RFC4: variants seen among roughly 807,000 people sequenced by gnomAD.
The protein encoded by RFC4 is A1 37 kDa subunit.
In RFC4, 38 loss-of-function variants were observed where a neutral mutation model predicts 47.6. That is an observed-to-expected ratio of 0.80 (90% CI 0.62 to 1.05). The LOEUF (loss-of-function observed/expected upper bound fraction) is 1.05. Ranked by LOEUF, RFC4 falls within the 50% of genes least tolerant of loss-of-function variation. The probability of loss-of-function intolerance (pLI) is 0.00; values close to 1 mark genes in which losing one functional copy is unlikely to be tolerated. For synonymous variants in RFC4, 164 were observed against 150.0 expected, an observed-to-expected ratio of 1.09 and a Z score of -0.68; for missense variants, 489 against 434.0, an observed-to-expected ratio of 1.13 and a Z score of -1.13.
Position 186,789,934 on chromosome 3 carries a change from TTATTTACAAAACC to T in RFC4, c.*22_*34del. The T allele has an allele frequency of 7.7e-7, 1 of 1,299,934 alleles. No homozygotes were observed. Among genetic ancestry groups the T allele is most frequent in the Non-Finnish European group, 1.1e-6 (1 of 907,766 alleles). The allele number at this position is 1,299,934 out of a possible 1,614,324, so 80.5% of individuals were successfully genotyped here. A position where few individuals can be genotyped will look rare whatever the true frequency, so the allele number is the denominator to read the frequency against. ...TCATTTTATTTTTATTACAACTTCA[TTATTTACAAAACC>T]CCCCATCCAGATATATTCACGTTAA... On this transcript the variant is annotated 3_prime_UTR_variant, in exon 11 of 11. Coordinates refer to ENST00000296273, the MANE Select transcript of RFC4 (RefSeq NM_002916.5).
intron 2 of RFC4, among the ~76,000 whole-genome samples, chr3:186,801,663 A>G (rs1722356128): frequency 2.1e-5 from 3 of 145,880 alleles, no homozygotes; most frequent in South Asian, 2.2e-4. Flanking sequence ...GTGAGCTGAG[A>G]TCGCACCACT....
At chr3:186,791,295 G>A in intron 8 of RFC4, 1 of 205,918 alleles carries the variant, frequency 4.9e-6, no homozygotes, top group Non-Finnish European at 1.0e-5. Flanking sequence ...TACCAGCCTG[G>A]TCAACCAACA....
At chr3:186,790,997 A>T (rs1722112684) in intron 8 of RFC4, among the ~76,000 whole-genome samples, 3 of 152,318 alleles carry the variant, frequency 2.0e-5, no homozygotes, top group Admixed American at 2.0e-4. Flanking sequence ...AAAAGTTGTT[A>T]AGTAGTAGTG....
At chr3:186,800,951 G>C (rs1446497868) in intron 3 of RFC4, among the ~76,000 whole-genome samples, 166 bp downstream of exon 3, 4 of 152,170 alleles carry the variant, frequency 2.6e-5, no homozygotes, top group Admixed American at 2.6e-4. Flanking sequence ...AATAGGAGAT[G>C]CTCAATAAAT....
Position 186,801,352 on chromosome 3 carries a change from A to T in RFC4, c.132-157T>A, listed in dbSNP as rs1656941. ...ATAATCGGAAATAGGTGGAAACCCC[A>T]CTTGTTTTTACCGTAACCAAACACA... On this transcript the variant is annotated intron_variant, in intron 2 of 10. Transcript: ENST00000296273. 7 of 611,942 alleles carry T rather than the reference A, an allele frequency of 1.1e-5. No individual in the cohort carries two copies. The South Asian group carries it at 1.2e-4, about 11-fold the overall frequency. The allele number at this position is 611,942 out of a possible 1,614,324, so 37.9% of individuals were successfully genotyped here.
chr3:186,793,020 A>T lies in RFC4; in HGVS notation c.411-73T>A. The T allele has an allele frequency of 1.6e-6, 2 of 1,223,676 alleles. No individual in the cohort carries two copies. Among genetic ancestry groups the T allele is most frequent in the South Asian group, 3.0e-5 (2 of 67,176 alleles). 75.8% of individuals were successfully genotyped at this position (1,223,676 alleles called of 1,614,324 possible). A position where few individuals can be genotyped will look rare whatever the true frequency, so the allele number is the denominator to read the frequency against. ...TTTTAACAGCTTTGTTGAAAGATAC[A>T]CGTACCATACAATTCACCCATTTAA... On this transcript the variant is annotated intron_variant, in intron 5 of 10. Transcript: ENST00000296273. The surrounding 1 kb of genome is among the most constrained non-coding windows in gnomAD (Gnocchi z 4.2).
At chr3:186,797,490 G>T in intron 4 of RFC4, 45 bp downstream of exon 4, 1 of 1,238,982 alleles carries the variant, frequency 8.1e-7, no homozygotes, top group Non-Finnish European at 1.2e-6. Flanking sequence ...GAGAATTTTG[G>T]TGTCAAATCT....
chr3:186,797,343 A>G (rs1166797312), intron 4 of RFC4, among the ~76,000 whole-genome samples, 192 bp downstream of exon 4: 2 of 152,232 alleles, frequency 1.3e-5, no homozygotes, highest in African/African-American at 4.8e-5. Flanking sequence ...GAAGGTCACA[A>G]AAGACGCAGG....
chr3:186,792,029 A>C (rs1245316377), intron 7 of RFC4, among the ~76,000 whole-genome samples, 179 bp from the exon 8 acceptor site: 1 of 152,224 alleles, frequency 6.6e-6, no homozygotes, highest in Non-Finnish European at 1.5e-5. Flanking sequence ...GGAAGGATAG[A>C]GATCTCTTGC....
At position 186,796,026 on chromosome 3, in the gene RFC4, TACACACACACACACAC is replaced by T. The variant is rs3082241; in HGVS notation, c.291-1265_291-1250del. ...TTTTTGAAACTTCCCTCTAGTCTTTTACACACACACACACACACACACACACACATTTAAATAAAAA... is the reference window on the plus strand; with the variant it reads ...TTTTTGAAACTTCCCTCTAGTCTTTTACACACACACACATTTAAATAAAAA... On this transcript the variant is annotated intron_variant, in intron 4 of 10. Coordinates refer to ENST00000296273, the MANE Select transcript of RFC4 (RefSeq NM_002916.5). The surrounding 1 kb of genome is among the most constrained non-coding windows in gnomAD (Gnocchi z 4.2). Among the ~76,000 whole-genome samples, 1 of 149,170 alleles carries T rather than the reference TACACACACACACACAC, an allele frequency of 6.7e-6. No homozygotes were observed. The highest frequency in any genetic ancestry group is 1.5e-5 in the Non-Finnish European group (1 of 67,138).
intron 2 of RFC4, among the ~76,000 whole-genome samples, chr3:186,801,846 A>G (rs1354575825): frequency 6.6e-6 from 1 of 151,644 alleles, no homozygotes; most frequent in South Asian, 2.1e-4. Flanking sequence ...CAACACGGAG[A>G]AACACTGTCT....
At chr3:186,798,624 C>G (rs949173988) in intron 3 of RFC4, among the ~76,000 whole-genome samples, 1 of 152,126 alleles carries the variant, frequency 6.6e-6, no homozygotes, top group Non-Finnish European at 1.5e-5. Context: ...CTTCCAGGCT[C>G]TAGCTTACAA....
At chr3:186,801,895 T>C (rs1490281712) in intron 2 of RFC4, among the ~76,000 whole-genome samples, 1 of 149,512 alleles carries the variant, frequency 6.7e-6, no homozygotes. Context: ...TGGTGGTGCA[T>C]GCCTGTAATG....
chr3:186,802,070 GCATT>G (rs1245716461), intron 2 of RFC4, among the ~76,000 whole-genome samples: 8 of 147,236 alleles, frequency 5.4e-5, no homozygotes, highest in Non-Finnish European at 1.5e-5. Flanking sequence ...TGCTTAGAAA[GCATT>G]ATTATTGGCC....
In RFC4 at chr3:186,791,018, G is replaced by A. The variant is rs117645163; in HGVS notation, c.802-612C>T. Reference sequence around the variant, plus strand: ...TGTTAAGTAGTAGTGATTCTGAAGTGAGTTTTTACATGGGAGTATCCAAAG... The same window carrying A: ...TGTTAAGTAGTAGTGATTCTGAAGTAAGTTTTTACATGGGAGTATCCAAAG... On this transcript the variant is annotated intron_variant, in intron 8 of 10. Transcript: ENST00000296273. 1.8e-4 allele frequency among the ~76,000 whole-genome samples: 27 copies of A among 152,328 alleles called. No homozygotes were observed. In the East Asian group the frequency reaches 5.0e-3, roughly 28 times the overall value.
At chr3:186,800,915 C>G (rs1049250631) in intron 3 of RFC4, among the ~76,000 whole-genome samples, 3 of 152,124 alleles carry the variant, frequency 2.0e-5, no homozygotes. Flanking sequence ...TACTTGAATA[C>G]TAGGTAACAC....
intron 3 of RFC4, among the ~76,000 whole-genome samples, chr3:186,800,847 T>A (rs1005648021): frequency 6.6e-6 from 1 of 152,234 alleles, no homozygotes; most frequent in Non-Finnish European, 1.5e-5. Flanking sequence ...TCTTGTTCTA[T>A]GTTTTATGTC....
intron 2 of RFC4, among the ~76,000 whole-genome samples, chr3:186,801,643 A>G (rs373459493): frequency 2.7e-5 from 4 of 148,800 alleles, no homozygotes; most frequent in African/African-American, 1.0e-4. Flanking sequence ...CCTGGGAGGC[A>G]GAGCTTGCAG....
chr3:186,791,619 G>GCAGTACTTGGCACTTGCTAAACAC, intron 8 of RFC4, 106 bp downstream of exon 8: 1 of 928,742 alleles, frequency 1.1e-6, no homozygotes, highest in East Asian at 2.4e-5. Context: ...ACTTCCTAGT[G>GCAGTACTTGGCACTTGCTAAACAC]CAGTACTTGG....
Sources: allele counts gnomAD v4.1 joint callset (sites outside exome capture counted in the v4.1 genomes callset), GRCh38; gene constraint gnomAD v4.1.1; non-coding constraint Gnocchi (gnomAD v3.1); transcripts MANE v1.5; gene names NCBI Gene and HGNC (gene_info 2026-07-23, HGNC 2026-07-21).